NTRK2: variants seen among roughly 807,000 people sequenced by gnomAD.
NTRK2 encodes BDNF/NT-3 growth factors receptor.
Under a neutral mutation model 94.5 loss-of-function variants are expected in NTRK2, and 13 were observed. That is an observed-to-expected ratio of 0.14 (90% CI 0.09 to 0.22). The LOEUF is 0.22. Ranked by LOEUF, NTRK2 falls within the 10% of genes least tolerant of loss-of-function variation. NTRK2 has a pLI of 1.00. For synonymous variants in NTRK2, 372 were observed against 407.4 expected, an observed-to-expected ratio of 0.91 and a Z score of 1.05; for missense variants, 639 against 1,071.2, an observed-to-expected ratio of 0.60 and a Z score of 5.63.
At chr9:84,945,408 G>T (rs1298935798) in intron 15 of NTRK2, among the ~76,000 whole-genome samples, 2 of 152,168 alleles carry the variant, frequency 1.3e-5, no homozygotes, top group Non-Finnish European at 2.9e-5. Context: ...CATTACGCAA[G>T]TGCAAGTGTG....
At chr9:84,809,509 A>T in intron 12 of NTRK2, among the ~76,000 whole-genome samples, 1 of 150,836 alleles carries the variant, frequency 6.6e-6, no homozygotes, top group East Asian at 1.9e-4. Context: ...TATAATGAAT[A>T]CTACATCTCC....
chr9:84,961,794 G>T lies in NTRK2; in HGVS notation c.2172+6277G>T, dbSNP rs1248136439. Among the ~76,000 whole-genome samples, 3 of 152,352 alleles carry T rather than the reference G, an allele frequency of 2.0e-5. No homozygotes were observed. In the East Asian group the frequency reaches 5.8e-4, roughly 29 times the overall value. The stretch of plus-strand genomic sequence containing the variant: ...AGATACAAAATGGGAACCCAAAAGA[G>T]GAAGCCTCCAGCCTGCTTTGGAAAC... On this transcript the variant is annotated intron_variant, in intron 17 of 18. Transcript: ENST00000277120.
At chr9:84,763,321 T>G (rs2065754327) in intron 12 of NTRK2, among the ~76,000 whole-genome samples, 1 of 152,060 alleles carries the variant, frequency 6.6e-6, no homozygotes, top group African/African-American at 2.4e-5. Context: ...GGTTATAGAC[T>G]CTTCCTGCCT....
rs949021581 is a variant in NTRK2, at chr9:84,787,211, T to C, written c.1396+35126T>C. Among the ~76,000 whole-genome samples the C allele has an allele frequency of 7.6e-4, 115 of 152,040 alleles. 1 individual carries two copies. The highest frequency in any genetic ancestry group is 2.9e-4 in the Non-Finnish European group (20 of 68,014). On this transcript the variant is annotated intron_variant, in intron 12 of 18. Transcript: ENST00000277120. Reference sequence around the variant, plus strand: ...TACGTGGGAGGCTGAGGCAGGAGAATCGCTTGAACTTGGGAGGTGGAGGTT... The same window carrying C: ...TACGTGGGAGGCTGAGGCAGGAGAACCGCTTGAACTTGGGAGGTGGAGGTT...
In NTRK2 at chr9:84,783,679, A is replaced by T. The variant is rs2067835789; in HGVS notation, c.1396+31594A>T. On this transcript the variant is annotated intron_variant, in intron 12 of 18. Transcript: ENST00000277120. The stretch of plus-strand genomic sequence containing the variant: ...GAAAGAGCATGGAGAAGAGAGAGGG[A>T]TGGATTCCAGGTAGAAATTTTATGT... 2.0e-5 allele frequency among the ~76,000 whole-genome samples: 3 copies of T among 151,998 alleles called. No homozygotes were observed. In the South Asian group the frequency reaches 6.2e-4, roughly 32 times the overall value.
At chr9:84,989,203 A>G (rs1588128188) in intron 17 of NTRK2, among the ~76,000 whole-genome samples, 1 of 152,088 alleles carries the variant, frequency 6.6e-6, no homozygotes, top group Non-Finnish European at 1.5e-5. Flanking sequence ...ACAAACTACT[A>G]TTTTGTTTCT....
chr9:84,721,089 C>T (rs2062029814), intron 6 of NTRK2, among the ~76,000 whole-genome samples: 2 of 152,026 alleles, frequency 1.3e-5, no homozygotes, highest in Non-Finnish European at 1.5e-5. Flanking sequence ...TAATTAATAC[C>T]ATTTTAAATT....
intron 12 of NTRK2, among the ~76,000 whole-genome samples, chr9:84,817,361 C>T (rs1056408514): frequency 1.3e-5 from 2 of 152,220 alleles, no homozygotes; most frequent in African/African-American, 4.8e-5. Flanking sequence ...GGAATTGTTT[C>T]AGGAGTTATT....
At chr9:84,722,947 A>G (rs140262659) in intron 6 of NTRK2, among the ~76,000 whole-genome samples, 7 of 152,322 alleles carry the variant, frequency 4.6e-5, no homozygotes, top group South Asian at 2.1e-4. Context: ...TACCTATAAT[A>G]TTTAACTATG....
At chr9:84,977,055 GCAAATA>G (rs1363361652) in intron 17 of NTRK2, among the ~76,000 whole-genome samples, 3 of 152,170 alleles carry the variant, frequency 2.0e-5, no homozygotes, top group African/African-American at 7.2e-5. Flanking sequence ...AGCTGCATTA[GCAAATA>G]CTGAATCACT....
chr9:84,874,625 A>T, intron 14 of NTRK2: 2 of 1,061,768 alleles, frequency 1.9e-6, no homozygotes, highest in Non-Finnish European at 2.3e-6. Flanking sequence ...GCCAGGAAGG[A>T]AATGGGGAGA....
At chr9:84,684,790 A>G (rs1241689223) in intron 2 of NTRK2, among the ~76,000 whole-genome samples, 1 of 151,942 alleles carries the variant, frequency 6.6e-6, no homozygotes, top group East Asian at 1.9e-4. Flanking sequence ...AGTCATTGGT[A>G]TTTTTTTTCC....
At chr9:84,697,825 C>T (rs980647934) in intron 2 of NTRK2, among the ~76,000 whole-genome samples, 4 of 152,122 alleles carry the variant, frequency 2.6e-5, no homozygotes, top group Admixed American at 6.5e-5. Flanking sequence ...AACTTGAGCT[C>T]GGGTGTGTTT....
At chr9:84,944,793 G>A (rs74845333) in intron 15 of NTRK2, among the ~76,000 whole-genome samples, 8,108 of 152,260 alleles carry the variant, frequency 0.053, 295 homozygotes, top group Non-Finnish European at 0.072. Context: ...GGATTCTTAC[G>A]TGAGCAAACT....
At chr9:84,797,677 T>A (rs1452184459) in intron 12 of NTRK2, among the ~76,000 whole-genome samples, 2 of 84,024 alleles carry the variant, frequency 2.4e-5, no homozygotes, top group Non-Finnish European at 4.2e-5. Context: ...TTATATATTA[T>A]ATATACTATA....
At chr9:84,705,978 C>T (rs982104519) in intron 4 of NTRK2, among the ~76,000 whole-genome samples, 5 of 151,718 alleles carry the variant, frequency 3.3e-5, no homozygotes, top group Admixed American at 2.6e-4. Context: ...TTAGTAGAGA[C>T]GGGGTTTCAC....
intron 12 of NTRK2, among the ~76,000 whole-genome samples, chr9:84,757,925 C>A (rs959873220): frequency 1.3e-5 from 2 of 152,038 alleles, no homozygotes; most frequent in African/African-American, 2.4e-5. Context: ...TGCATAAATG[C>A]CTTTCCAATT....
intron 16 of NTRK2, among the ~76,000 whole-genome samples, chr9:84,952,029 C>A (rs929834638): frequency 6.6e-6 from 1 of 152,164 alleles, no homozygotes; most frequent in African/African-American, 2.4e-5. Flanking sequence ...TAGAATCTGT[C>A]CAGAGTTGCC....
intron 6 of NTRK2, among the ~76,000 whole-genome samples, chr9:84,722,436 G>C (rs1036802897): frequency 4.6e-5 from 7 of 152,034 alleles, no homozygotes; most frequent in African/African-American, 1.7e-4. Context: ...GAAGACGAAG[G>C]GTCAGATATT....
Sources: gnomAD v4.1 joint callset for allele counts (sites outside exome capture counted in the v4.1 genomes callset) on GRCh38, gnomAD v4.1.1 for gene constraint, MANE v1.5 for transcripts, NCBI Gene and HGNC (gene_info 2026-07-23, HGNC 2026-07-21) for gene names.